The following STOML1 variants were observed in gnomAD, a reference collection of about 807,000 sequenced individuals.
STOML1 encodes stomatin-like protein 1.
A neutral mutation model predicts 35.7 loss-of-function variants in STOML1; 27 were observed. That is an observed-to-expected ratio of 0.76 (90% CI 0.56 to 1.04). STOML1 has a LOEUF of 1.04. Among genes scored for constraint, STOML1 ranks in the 50% least tolerant of loss-of-function variants. The pLI is 0.00. For missense variants in STOML1, 451 were observed against 527.1 expected (o/e 0.86, Z 1.41); for synonymous variants, 219 against 227.9 (o/e 0.96, Z 0.35).
chr15:73,983,731 GC>G lies in STOML1; in HGVS notation c.*205del. The G allele has an allele frequency of 1.8e-6, 1 of 555,950 alleles. No homozygotes were observed. The highest frequency in any genetic ancestry group is 3.1e-6 in the Non-Finnish European group (1 of 319,292). 34.4% of individuals were successfully genotyped at this position (555,950 alleles called of 1,614,324 possible). On this transcript the variant is annotated 3_prime_UTR_variant, in exon 7 of 7. Coordinates refer to ENST00000541638, the MANE Select transcript of STOML1 (RefSeq NM_004809.5). Reference sequence around the variant, plus strand: ...TCAGCTGGGGACCGGGATGGACAAAGCCTTGTCCAGAGAACCACTGTAGGGG... The same window carrying G: ...TCAGCTGGGGACCGGGATGGACAAAGCTTGTCCAGAGAACCACTGTAGGGG...
chr15:73,984,689 G>C lies in STOML1; in HGVS notation c.973C>G (p.Gln325Glu). Residue 325 changes from glutamine (Q) to glutamate (E), a missense_variant, in exon 6 of 7, where the codon CAA (glutamine) becomes GAA (glutamate). Gln to Glu is a conservative substitution (Grantham distance 29). Coordinates refer to ENST00000541638, the MANE Select transcript of STOML1 (RefSeq NM_004809.5). Reference protein sequence around the residue: ...QFNVVLPSGTQSAYFLDLTTG... With the variant: ...QFNVVLPSGTESAYFLDLTTG... ...GTGAGGTCCAGGAAGTAGGCGCTTT[G>C]GGTGCCGCTGGGCAGGACGACATTG... 1 of 1,614,152 alleles carries C rather than the reference G, an allele frequency of 6.2e-7. No individual in the cohort carries two copies.
In STOML1 at chr15:73,982,829, A is replaced by G. The variant is rs11636934; in HGVS notation, c.*1108T>C. The G allele has an allele frequency of 0.31, 46,602 of 151,920 alleles. 7,387 individuals are homozygous for G. Among genetic ancestry groups the G allele is most frequent in the South Asian group, 0.38 (1,807 of 4,806 alleles). The allele number at this position is 151,920 out of a possible 1,614,324, so 9.4% of individuals were successfully genotyped here. ...TGGGCTGGGCCTGGGGCCAGACCTC[A>G]ATGACTGTTTCCTTCCCGTCAGCGA... On this transcript the variant is annotated 3_prime_UTR_variant, in exon 7 of 7. Coordinates refer to ENST00000541638, the MANE Select transcript of STOML1 (RefSeq NM_004809.5).
Position 73,990,569 on chromosome 15 carries a change from C to T in STOML1, c.134-112G>A, listed in dbSNP as rs1449590542. ...CTTCCCCTCGAGAGGCTCCTTCCTT[C>T]TCAGGGCTCTCAATCTGGCTCCTTG... On this transcript the variant is annotated intron_variant, in intron 1 of 6. Transcript: ENST00000541638. 3.9e-6 allele frequency: 4 copies of T among 1,032,732 alleles called. No individual in the cohort carries two copies. In the South Asian group the frequency reaches 4.7e-5, roughly 12 times the overall value. The allele number at this position is 1,032,732 out of a possible 1,614,324, so 64.0% of individuals were successfully genotyped here. A position where few individuals can be genotyped will look rare whatever the true frequency, so the allele number is the denominator to read the frequency against.
intron 5 of STOML1, among the ~76,000 whole-genome samples, 188 bp from the exon 6 acceptor site, chr15:73,985,059 C>CA (rs2069047339): frequency 6.6e-6 from 1 of 152,232 alleles, no homozygotes; most frequent in Non-Finnish European, 1.5e-5. Flanking sequence ...ACTGCAAACT[C>CA]AGTTTCTAAA....
chr15:73,988,496 A>T lies in STOML1; in HGVS notation c.594+103T>A. The T allele has an allele frequency of 7.3e-7, 1 of 1,377,110 alleles. No homozygotes were observed. Among genetic ancestry groups the T allele is most frequent in the Non-Finnish European group, 9.9e-7 (1 of 1,009,834 alleles). The allele number at this position is 1,377,110 out of a possible 1,614,324, so 85.3% of individuals were successfully genotyped here. A position where few individuals can be genotyped will look rare whatever the true frequency, so the allele number is the denominator to read the frequency against. On this transcript the variant is annotated intron_variant, in intron 4 of 6. Coordinates refer to ENST00000541638, the MANE Select transcript of STOML1 (RefSeq NM_004809.5). This position sits in a 1 kb window ranked among gnomAD's most constrained non-coding sequence, Gnocchi z 4.8. ...TGGTTACACTATTGGGACATATGGT[A>T]AACTGAGGCCCAGAGTGGTCTGACT...
intron 4 of STOML1, chr15:73,987,527 C>G (rs2069136375): frequency 6.6e-6 from 1 of 152,220 alleles, no homozygotes; most frequent in Non-Finnish European, 1.5e-5. Context: ...TAACACGGGG[C>G]ATGGTTTTAT....
rs1230905308 is a variant in STOML1 at position 73,979,098 on chromosome 15, AG to A, written c.*4838del. ...TATTACTCTCAAAACCATTACAGTG[AG>A]GGGGAAAAAGCTAGACACAGAAGAG... On this transcript the variant is annotated 3_prime_UTR_variant, in exon 7 of 7. Coordinates refer to ENST00000541638, the MANE Select transcript of STOML1 (RefSeq NM_004809.5). 2 of 152,200 alleles carry A rather than the reference AG, an allele frequency of 1.3e-5. No individual in the cohort carries two copies. The highest frequency in any genetic ancestry group is 4.8e-5 in the African/African-American group (2 of 41,454). 9.4% of individuals were successfully genotyped at this position (152,200 alleles called of 1,614,324 possible). A position where few individuals can be genotyped will look rare whatever the true frequency, so the allele number is the denominator to read the frequency against.
Position 73,988,184 on chromosome 15 carries a change from C to A in STOML1, c.594+415G>T. The A allele has an allele frequency of 5.4e-6, 1 of 186,032 alleles. No individual in the cohort carries two copies. The highest frequency in any genetic ancestry group is 1.1e-5 in the Non-Finnish European group (1 of 88,160). 11.5% of individuals were successfully genotyped at this position (186,032 alleles called of 1,614,324 possible). ...AGGAAACAAAAATCACAAGCATGCACACGCTGCATGGTGAGCCTGGAATTC... is the reference window on the plus strand; with the variant it reads ...AGGAAACAAAAATCACAAGCATGCAAACGCTGCATGGTGAGCCTGGAATTC... On this transcript the variant is annotated intron_variant, in intron 4 of 6. Coordinates refer to ENST00000541638, the MANE Select transcript of STOML1 (RefSeq NM_004809.5). This position sits in a 1 kb window ranked among gnomAD's most constrained non-coding sequence, Gnocchi z 4.8.
intron 1 of STOML1, chr15:73,990,916 C>T (rs1028392124): frequency 6.6e-7 from 1 of 1,524,690 alleles, no homozygotes; most frequent in South Asian, 1.2e-5. Flanking sequence ...GTGTGCTTTC[C>T]AGGAGTCCTT....
At chr15:73,993,254 C>T (rs986032492), upstream of STOML1, among the ~76,000 whole-genome samples, 4 of 152,324 alleles carry the variant, frequency 2.6e-5, no homozygotes, top group African/African-American at 9.6e-5. Flanking sequence ...ACTTGCCTCT[C>T]CAGGGCTTGA....
upstream of STOML1, chr15:73,994,614 T>TA (rs2069380744): frequency 1.6e-6 from 1 of 632,128 alleles, no homozygotes; most frequent in Non-Finnish European, 2.9e-6. Context: ...GGCGTGTCTT[T>TA]AAAACCCACA....
At position 73,978,971 on chromosome 15, in the gene STOML1, T is replaced by G. The variant is rs941790987; in HGVS notation, c.*4966A>C. 1.3e-5 allele frequency: 2 copies of G among 152,206 alleles called. No individual in the cohort carries two copies. The highest frequency in any genetic ancestry group is 4.8e-5 in the African/African-American group (2 of 41,456). The allele number at this position is 152,206 out of a possible 1,614,324, so 9.4% of individuals were successfully genotyped here. A position where few individuals can be genotyped will look rare whatever the true frequency, so the allele number is the denominator to read the frequency against. On this transcript the variant is annotated 3_prime_UTR_variant, in exon 7 of 7. Transcript: ENST00000541638. The stretch of plus-strand genomic sequence containing the variant: ...TTATTTAATAACCAAACCTGAAAAC[T>G]ACTCAAATGTTCATCAATGGATGAA...
At chr15:73,993,554 G>A (rs2069348779), upstream of STOML1, among the ~76,000 whole-genome samples, 1 of 152,158 alleles carries the variant, frequency 6.6e-6, no homozygotes, top group Admixed American at 6.5e-5. Context: ...GGCTCCTGAG[G>A]CCTTACAGTC....
At chr15:73,991,099 C>T in intron 1 of STOML1, 9 of 691,982 alleles carry the variant, frequency 1.3e-5, no homozygotes, top group Non-Finnish European at 1.6e-5. Context: ...GCCTGGGGGA[C>T]AGAGCGAGAC....
rs751537007 is a variant in STOML1, at chr15:73,984,780, T to C, written c.882A>G (p.Leu294=). 3 of 1,614,110 alleles carry C rather than the reference T, an allele frequency of 1.9e-6. No individual in the cohort carries two copies. Among genetic ancestry groups the C allele is most frequent in the Non-Finnish European group, 2.5e-6 (3 of 1,180,022 alleles). ...ACAGGAAGGGCTGTAGAGCAGTCAGTAGCCCCTCCGCCAGAGGCTGCTTCG... is the reference window on the plus strand; with the variant it reads ...ACAGGAAGGGCTGTAGAGCAGTCAGCAGCCCCTCCGCCAGAGGCTGCTTCG... ...SSPKQPLAEG[L]LTALQPFLSE... is the part of the protein sequence containing the mutation. The change falls in exon 6 of 7, where the codon CTA becomes CTG. Residue 294 remains leucine (L), a synonymous_variant. Transcript: ENST00000541638.
upstream of STOML1, chr15:73,992,359 A>C: frequency 1.8e-6 from 2 of 1,089,700 alleles, no homozygotes; most frequent in Non-Finnish European, 2.4e-6. Flanking sequence ...GGGCGCAGGA[A>C]GAGGAGGCCG....
At chr15:73,991,828 G>A in intron 1 of STOML1, 1 of 607,772 alleles carries the variant, frequency 1.6e-6, no homozygotes, top group South Asian at 1.9e-5. Flanking sequence ...AAGAGCCGAG[G>A]ACAAATGTGG....
Position 73,990,412 on chromosome 15 carries a change from C to T in STOML1, c.179G>A (p.Ser60Asn), listed in dbSNP as rs200662895. The change falls in exon 2 of 7, where the codon AGT becomes AAT. Residue 60 changes from serine to asparagine, a missense_variant. Transcript: ENST00000541638. ...CAACAGCAGCAAGAACCCCAGGAAA[C>T]TGATGAGGCCATGACAGAGGCAGGA... ...WPSCLCHGLI[S>N]FLGFLLLLVT... The T allele has an allele frequency of 7.4e-6, 12 of 1,614,030 alleles. No individual in the cohort carries two copies. Among genetic ancestry groups the T allele is most frequent in the Non-Finnish European group, 1.0e-5 (12 of 1,180,020 alleles).
In STOML1 at chr15:73,988,403, C is replaced by T. The variant is rs999843739; in HGVS notation, c.594+196G>A. Reference sequence around the variant, plus strand: ...TCTCAGGGACAAGTTTGCCCAGGATCGTTATGGTCTACGCCCACCTGCCAT... The same window carrying T: ...TCTCAGGGACAAGTTTGCCCAGGATTGTTATGGTCTACGCCCACCTGCCAT... On this transcript the variant is annotated intron_variant, in intron 4 of 6. Transcript: ENST00000541638. This position sits in a 1 kb window ranked among gnomAD's most constrained non-coding sequence, Gnocchi z 4.8. 5 of 644,706 alleles carry T rather than the reference C, an allele frequency of 7.8e-6. No homozygotes were observed. Among genetic ancestry groups the T allele is most frequent in the East Asian group, 2.8e-5 (1 of 35,536 alleles). 39.9% of individuals were successfully genotyped at this position (644,706 alleles called of 1,614,324 possible).
Sources: allele counts gnomAD v4.1 joint callset (sites outside exome capture counted in the v4.1 genomes callset), GRCh38; gene constraint gnomAD v4.1.1; non-coding constraint Gnocchi (gnomAD v3.1); transcripts MANE v1.5; gene names NCBI Gene and HGNC (gene_info 2026-07-23, HGNC 2026-07-21).